ARHGAP15: variants seen among roughly 807,000 people sequenced by gnomAD.
ARHGAP15 encodes rho GTPase-activating protein 15.
ARHGAP15 carries 51 observed loss-of-function variants against 63.7 expected under a neutral mutation model. The observed-to-expected ratio is 0.80, with a 90% confidence interval of 0.64 to 1.01. ARHGAP15 has a LOEUF of 1.01. ARHGAP15 is among the 50% of genes least tolerant of loss of function. ARHGAP15 has a pLI of 0.00. For missense variants in ARHGAP15, 560 were observed against 564.6 expected (o/e 0.99, Z 0.08); for synonymous variants, 191 against 193.8 (o/e 0.99, Z 0.12).
At chr2:143,596,376 C>A (rs1697519895) in intron 11 of ARHGAP15, among the ~76,000 whole-genome samples, 1 of 152,112 alleles carries the variant, frequency 6.6e-6, no homozygotes, top group South Asian at 2.1e-4. Context: ...TGCATAACAA[C>A]CCCAGAGAAA....
At chr2:143,646,632 C>T (rs1226504336) in intron 12 of ARHGAP15, among the ~76,000 whole-genome samples, 1 of 151,920 alleles carries the variant, frequency 6.6e-6, no homozygotes, top group Non-Finnish European at 1.5e-5. Flanking sequence ...TTGTGTAATG[C>T]CTTGACTGGG....
chr2:143,382,401 C>G (rs1687098124), intron 6 of ARHGAP15, among the ~76,000 whole-genome samples: 1 of 152,248 alleles, frequency 6.6e-6, no homozygotes, highest in Admixed American at 6.5e-5. Context: ...TGGTGTGCAG[C>G]TGGATCATCC....
At chr2:143,142,079 C>G (rs62171670) in intron 1 of ARHGAP15, among the ~76,000 whole-genome samples, 14 of 152,150 alleles carry the variant, frequency 9.2e-5, no homozygotes, top group African/African-American at 2.9e-4. Flanking sequence ...TATAGACATA[C>G]TTTTCTGTTT....
chr2:143,228,923 A>C (rs192477882), intron 5 of ARHGAP15, among the ~76,000 whole-genome samples: 98 of 152,324 alleles, frequency 6.4e-4, no homozygotes, highest in African/African-American at 2.2e-3. Flanking sequence ...TGCGAAGGTA[A>C]CACTTTAAAT....
chr2:143,682,305 T>A (rs565814369), intron 12 of ARHGAP15, among the ~76,000 whole-genome samples: 1 of 151,456 alleles, frequency 6.6e-6, no homozygotes, highest in African/African-American at 2.4e-5. Flanking sequence ...TAAGGAGATT[T>A]TTTTTTTTCC....
At chr2:143,584,724 T>C (rs747700785) in intron 11 of ARHGAP15, among the ~76,000 whole-genome samples, 1 of 152,194 alleles carries the variant, frequency 6.6e-6, no homozygotes. Flanking sequence ...TCTTTATGAA[T>C]GTGAGTAAGT....
chr2:143,567,097 G>A (rs778992395), intron 11 of ARHGAP15, among the ~76,000 whole-genome samples: 7 of 152,068 alleles, frequency 4.6e-5, no homozygotes, highest in East Asian at 1.9e-4. Context: ...GGATGGTCTC[G>A]ATCTCCTGAC....
chr2:143,230,980 A>C (rs1156761360), intron 5 of ARHGAP15, among the ~76,000 whole-genome samples: 1 of 151,988 alleles, frequency 6.6e-6, no homozygotes, highest in Admixed American at 6.6e-5. Flanking sequence ...TCCTTATACA[A>C]ATGATCTTTA....
intron 12 of ARHGAP15, among the ~76,000 whole-genome samples, chr2:143,636,104 G>C (rs549429738): frequency 3.9e-5 from 6 of 152,232 alleles, no homozygotes; most frequent in Non-Finnish European, 8.8e-5. Flanking sequence ...TCCAGCAGGT[G>C]AAAGGTTGAC....
chr2:143,557,647 A>G (rs1695863456), intron 11 of ARHGAP15, among the ~76,000 whole-genome samples: 1 of 152,088 alleles, frequency 6.6e-6, no homozygotes, highest in Non-Finnish European at 1.5e-5. Context: ...ATGTATTGAT[A>G]TTGGCTTATC....
At chr2:143,631,108 G>C (rs144116200) in intron 12 of ARHGAP15, among the ~76,000 whole-genome samples, 16 of 151,854 alleles carry the variant, frequency 1.1e-4, no homozygotes, top group Non-Finnish European at 2.2e-4. Context: ...TGGGGGAGAG[G>C]CTTTTTTTCA....
chr2:143,755,962 T>C (rs1469729012), intron 13 of ARHGAP15, among the ~76,000 whole-genome samples: 2 of 151,038 alleles, frequency 1.3e-5, no homozygotes, highest in East Asian at 3.9e-4. Context: ...TGAGACTCCA[T>C]CTCAAAAAAA....
At chr2:143,699,268 C>G (rs905031227) in intron 12 of ARHGAP15, among the ~76,000 whole-genome samples, 7 of 152,142 alleles carry the variant, frequency 4.6e-5, no homozygotes, top group African/African-American at 1.7e-4. Context: ...AAAAACACTG[C>G]TTTACTATAA....
intron 13 of ARHGAP15, among the ~76,000 whole-genome samples, chr2:143,734,899 T>G (rs1282222418): frequency 1.3e-5 from 2 of 152,180 alleles, no homozygotes; most frequent in Non-Finnish European, 2.9e-5. Context: ...TGGGGGGTAT[T>G]CCTCCTGAAT....
intron 13 of ARHGAP15, among the ~76,000 whole-genome samples, chr2:143,762,249 G>A (rs1385846496): frequency 2.0e-5 from 3 of 152,056 alleles, no homozygotes; most frequent in Non-Finnish European, 4.4e-5. Context: ...AAATATTTTG[G>A]GGCCTCCTTG....
At chr2:143,209,806 C>T (rs760208455) in intron 3 of ARHGAP15, among the ~76,000 whole-genome samples, 13 of 152,122 alleles carry the variant, frequency 8.5e-5, no homozygotes, top group Non-Finnish European at 1.5e-4. Context: ...AAAAGAGTCA[C>T]GGGTTTTGAG....
At chr2:143,698,558 AG>A (rs1683951226) in intron 12 of ARHGAP15, among the ~76,000 whole-genome samples, 1 of 152,176 alleles carries the variant, frequency 6.6e-6, no homozygotes, top group Admixed American at 6.5e-5. Flanking sequence ...AGATGGGGGC[AG>A]GTTGGTGAGG....
intron 10 of ARHGAP15, among the ~76,000 whole-genome samples, chr2:143,540,996 G>A (rs567798575): frequency 2.0e-4 from 30 of 152,172 alleles, no homozygotes; most frequent in Middle Eastern, 3.4e-3. Flanking sequence ...CCATTTTCCC[G>A]CTCACTTTCA....
rs538569784 is a variant in ARHGAP15 at position 143,755,617 on chromosome 2, C to G, written c.1245-12372C>G. 4.6e-5 allele frequency among the ~76,000 whole-genome samples: 7 copies of G among 152,294 alleles called. No individual in the cohort carries two copies. In the East Asian group the frequency reaches 1.4e-3, roughly 29 times the overall value. On this transcript the variant is annotated intron_variant, in intron 13 of 13. Coordinates refer to ENST00000295095, the MANE Select transcript of ARHGAP15 (RefSeq NM_018460.4). ...TGCGCTCTTCCATTTAGAAGCCACT[C>G]TCTGGGCACATTCACCTTGGTGCTC...
Sources: allele counts gnomAD v4.1 joint callset (sites outside exome capture counted in the v4.1 genomes callset), GRCh38; gene constraint gnomAD v4.1.1; transcripts MANE v1.5; gene names NCBI Gene and HGNC (gene_info 2026-07-23, HGNC 2026-07-21).